Variants in MYO3B observed in about 807,000 individuals in gnomAD.
MYO3B encodes the protein myosin-IIIb.
In MYO3B, 156 loss-of-function variants were observed where a neutral mutation model predicts 174.6. The ratio of observed to expected loss-of-function variants is 0.89; its 90% CI spans 0.78 to 1.02. MYO3B has a LOEUF of 1.02. MYO3B is among the 50% of genes least tolerant of loss of function. MYO3B has a pLI of 0.00. For missense variants in MYO3B, 1,632 were observed against 1,639.4 expected, an observed-to-expected ratio of 1.00 and a Z score of 0.08; for synonymous variants, 563 against 569.1, an observed-to-expected ratio of 0.99 and a Z score of 0.15.
intron 32 of MYO3B, among the ~76,000 whole-genome samples, chr2:170,624,386 G>A (rs1314509719): frequency 1.3e-5 from 2 of 152,144 alleles, no homozygotes; most frequent in East Asian, 1.9e-4. Context: ...TGGTGTATAA[G>A]ACTGCTTGTG....
In MYO3B at chr2:170,200,220, A is replaced by C; in HGVS notation, c.257A>C (p.Lys86Thr). The C allele has an allele frequency of 6.2e-7, 1 of 1,613,544 alleles. No homozygotes were observed. Among genetic ancestry groups the C allele is most frequent in the Non-Finnish European group, 8.5e-7 (1 of 1,179,650 alleles). ...QFLPNHPNVV[K>T]FYGMFYKADH... ...CTTCCTAATCATCCCAATGTTGTAA[A>C]GTTTTATGGGATGTTTTACAAAGCG... is the stretch of plus-strand genomic sequence containing the variant. The change falls in exon 3 of 35, where the codon AAG becomes ACG. Residue 86 changes from lysine to threonine, a missense_variant. Physicochemically the swap from Lys to Thr is moderately conservative, Grantham distance 78. Transcript: ENST00000408978.
intron 18 of MYO3B, 111 bp downstream of exon 18, chr2:170,401,802 C>CTTTCTT (rs1553483157): frequency 2.0e-5 from 14 of 699,522 alleles, no homozygotes; most frequent in Non-Finnish European, 2.9e-5. Flanking sequence ...CTTTCTTTTT[C>CTTTCTT]TTTTTTTTTT....
intron 32 of MYO3B, among the ~76,000 whole-genome samples, chr2:170,615,658 A>C (rs1695417418): frequency 6.6e-6 from 1 of 152,258 alleles, no homozygotes. Context: ...GACGCAGATT[A>C]GTATTGCAGG....
intron 7 of MYO3B, among the ~76,000 whole-genome samples, chr2:170,237,693 A>G (rs935992867): frequency 6.6e-6 from 1 of 152,222 alleles, no homozygotes; most frequent in Non-Finnish European, 1.5e-5. Context: ...CAGATGTGGA[A>G]TACGAGTAAC....
At chr2:170,302,750 C>CA (rs1202831553) in intron 7 of MYO3B, among the ~76,000 whole-genome samples, 1 of 152,018 alleles carries the variant, frequency 6.6e-6, no homozygotes, top group Non-Finnish European at 1.5e-5. Flanking sequence ...ATGAGTCCTG[C>CA]AAAAAACAAT....
intron 22 of MYO3B, among the ~76,000 whole-genome samples, chr2:170,438,428 CT>C (rs58683475): frequency 0.18 from 26,622 of 151,994 alleles, 2,924 homozygotes; most frequent in African/African-American, 0.32. Flanking sequence ...GTTTTCAATT[CT>C]TTTAGGTAAA....
At chr2:170,599,667 G>C (rs1694377493) in intron 32 of MYO3B, among the ~76,000 whole-genome samples, 1 of 152,168 alleles carries the variant, frequency 6.6e-6, no homozygotes, top group Non-Finnish European at 1.5e-5. Flanking sequence ...AGAATTGCTT[G>C]AACCTGGGAG....
chr2:170,418,716 G>T (rs370785729), intron 22 of MYO3B, among the ~76,000 whole-genome samples: 14 of 152,232 alleles, frequency 9.2e-5, no homozygotes, highest in African/African-American at 3.4e-4. Flanking sequence ...TGGGCCACCT[G>T]GGGGCAAAGG....
At chr2:170,314,742 G>A (rs561542367) in intron 7 of MYO3B, among the ~76,000 whole-genome samples, 6 of 152,202 alleles carry the variant, frequency 3.9e-5, no homozygotes, top group South Asian at 2.1e-4. Flanking sequence ...TAAGATTTGG[G>A]TTAGTTGGCA....
At position 170,414,249 on chromosome 2, in the gene MYO3B, G is replaced by A. The variant is rs553516835; in HGVS notation, c.2650+6405G>A. 1.1e-4 allele frequency among the ~76,000 whole-genome samples: 17 copies of A among 151,972 alleles called. 1 individual carries two copies. The highest frequency in any genetic ancestry group is 6.3e-4 in the South Asian group (3 of 4,794). ...GTCACCCAGGCTGGAGTGCAATGGC[G>A]CGATCTCAGCTCACTGAAACATCCA... On this transcript the variant is annotated intron_variant, in intron 22 of 34. Coordinates refer to ENST00000408978, the MANE Select transcript of MYO3B (RefSeq NM_138995.5).
chr2:170,651,986 A>C (rs1699043235), intron 33 of MYO3B, 122 bp from the exon 34 acceptor site: 3 of 1,150,710 alleles, frequency 2.6e-6, no homozygotes, highest in Non-Finnish European at 2.5e-6. Context: ...TGATCAAAAA[A>C]AATTATGCTG....
At chr2:170,436,568 T>C (rs1051920866) in intron 22 of MYO3B, among the ~76,000 whole-genome samples, 2 of 152,248 alleles carry the variant, frequency 1.3e-5, no homozygotes, top group Admixed American at 1.3e-4. Flanking sequence ...ATCTTTGTGC[T>C]AGACTTGCTG....
chr2:170,191,665 C>T (rs1218262298), intron 1 of MYO3B, among the ~76,000 whole-genome samples: 1 of 152,156 alleles, frequency 6.6e-6, no homozygotes, highest in Non-Finnish European at 1.5e-5. Flanking sequence ...CCCGCAAGTG[C>T]ACAGATTATC....
chr2:170,580,720 G>GTA (rs1172990032), intron 32 of MYO3B, among the ~76,000 whole-genome samples: 5 of 49,392 alleles, frequency 1.0e-4, no homozygotes, highest in African/African-American at 2.1e-4. Flanking sequence ...CCTTATATAT[G>GTA]TGTGTGTGTG....
chr2:170,314,069 G>T (rs543846446), intron 7 of MYO3B, among the ~76,000 whole-genome samples: 1 of 152,180 alleles, frequency 6.6e-6, no homozygotes, highest in Non-Finnish European at 1.5e-5. Flanking sequence ...CAGCCCCCCT[G>T]CCAATGCCAT....
intron 30 of MYO3B, among the ~76,000 whole-genome samples, chr2:170,525,249 G>C (rs1448808421): frequency 2.0e-5 from 3 of 152,200 alleles, no homozygotes; most frequent in African/African-American, 7.2e-5. Context: ...AAGTAAAAGT[G>C]AGTGGTTGGG....
At chr2:170,541,491 C>G (rs1205575874) in intron 30 of MYO3B, among the ~76,000 whole-genome samples, 1 of 152,126 alleles carries the variant, frequency 6.6e-6, no homozygotes, top group Non-Finnish European at 1.5e-5. Context: ...CTCTCTGAAC[C>G]TCTTTGTTTA....
intron 32 of MYO3B, among the ~76,000 whole-genome samples, chr2:170,628,790 T>G (rs1013645692): frequency 6.6e-6 from 1 of 152,206 alleles, no homozygotes; most frequent in Non-Finnish European, 1.5e-5. Context: ...CAGCATCTTT[T>G]GTGAAGCTTT....
chr2:170,322,199 A>T (rs568620172), intron 7 of MYO3B, among the ~76,000 whole-genome samples: 1 of 152,184 alleles, frequency 6.6e-6, no homozygotes, highest in African/African-American at 2.4e-5. Flanking sequence ...AGGAAGTGAC[A>T]ACAGATTGAT....
Sources: allele counts gnomAD v4.1 joint callset (sites outside exome capture counted in the v4.1 genomes callset), GRCh38; gene constraint gnomAD v4.1.1; transcripts MANE v1.5; gene names NCBI Gene and HGNC (gene_info 2026-07-23, HGNC 2026-07-21).